CD276: variants seen among roughly 807,000 people sequenced by gnomAD.
CD276 encodes CD276 molecule.
CD276 carries 34 observed loss-of-function variants against 50.0 expected under a neutral mutation model. That is an observed-to-expected ratio of 0.68 (90% confidence interval 0.52 to 0.91). CD276 has a LOEUF of 0.91. Among genes scored for constraint, CD276 ranks in the 40% least tolerant of loss-of-function variants. The pLI is 0.00. For synonymous variants in CD276, 275 were observed against 313.0 expected, an observed-to-expected ratio of 0.88 and a Z score of 1.28; for missense variants, 634 against 717.5, an observed-to-expected ratio of 0.88 and a Z score of 1.33.
chr15:73,698,977 C>T (rs1900273913), intron 1 of CD276, among the ~76,000 whole-genome samples: 1 of 152,194 alleles, frequency 6.6e-6, no homozygotes, highest in Admixed American at 6.5e-5. Context: ...AAATGCTCCC[C>T]AGTGATTCCC....
Position 73,713,717 on chromosome 15 carries a change from T to TC in CD276, c.*765dup, listed in dbSNP as rs1468629261. The stretch of plus-strand genomic sequence containing the variant: ...CAGTGCCCCTCTCCCCTGCCCATCC[T>TC]CCCCACGGAAGCATGTGCTGGTCAC... On this transcript the variant is annotated 3_prime_UTR_variant, in exon 10 of 10. Coordinates refer to ENST00000318443, the MANE Select transcript of CD276 (RefSeq NM_001024736.2). 2.4e-6 allele frequency: 1 copy of TC among 424,436 alleles called. No homozygotes were observed. The highest frequency in any genetic ancestry group is 4.7e-6 in the Non-Finnish European group (1 of 214,854). 26.3% of individuals were successfully genotyped at this position (424,436 alleles called of 1,614,324 possible). A position where few individuals can be genotyped will look rare whatever the true frequency, so the allele number is the denominator to read the frequency against.
chr15:73,713,819 T>G lies in CD276; in HGVS notation c.*863T>G. 2.2e-6 allele frequency: 1 copy of G among 444,586 alleles called. No homozygotes were observed. Among genetic ancestry groups the G allele is most frequent in the South Asian group, 1.6e-5 (1 of 62,608 alleles). 27.5% of individuals were successfully genotyped at this position (444,586 alleles called of 1,614,324 possible). A position where few individuals can be genotyped will look rare whatever the true frequency, so the allele number is the denominator to read the frequency against. On this transcript the variant is annotated 3_prime_UTR_variant, in exon 10 of 10. Transcript: ENST00000318443. ...CTCTGCCTTCTCACCTCTTTGTTCC[T>G]TTCTTTTCATGTATCCATTCAGTTG...
At chr15:73,711,313 G>A (rs1900893100) in intron 9 of CD276, 143 bp downstream of exon 9, 1 of 828,222 alleles carries the variant, frequency 1.2e-6, no homozygotes, top group African/African-American at 1.7e-5. Flanking sequence ...CCCCTGGTGA[G>A]ATGGCAGAGG....
Position 73,704,516 on chromosome 15 carries a change from C to A in CD276, c.1369+44C>A. On this transcript the variant is annotated intron_variant, in intron 6 of 9. Transcript: ENST00000318443. This position sits in a 1 kb window ranked among gnomAD's most constrained non-coding sequence, Gnocchi z 4.1. ...CTGGGGAAGGACGGAGCGAGTAACTCCCTCTTTACTGGACCCTAACGTGGA... is the reference window on the plus strand; with the variant it reads ...CTGGGGAAGGACGGAGCGAGTAACTACCTCTTTACTGGACCCTAACGTGGA... The A allele has an allele frequency of 6.4e-7, 1 of 1,574,006 alleles. No homozygotes were observed. Among genetic ancestry groups the A allele is most frequent in the Non-Finnish European group, 8.6e-7 (1 of 1,158,586 alleles).
chr15:73,695,046 A>G (rs1900127193), intron 1 of CD276, among the ~76,000 whole-genome samples: 1 of 152,200 alleles, frequency 6.6e-6, no homozygotes. Flanking sequence ...GTAAGTGGAC[A>G]ACAACTAGCA....
intron 1 of CD276, among the ~76,000 whole-genome samples, chr15:73,698,105 C>G (rs929710856): frequency 1.3e-5 from 2 of 152,106 alleles, no homozygotes; most frequent in East Asian, 3.9e-4. Context: ...TTAGGGATGT[C>G]TGCCCTTCTC....
At position 73,702,475 on chromosome 15, in the gene CD276, G is replaced by A. The variant is rs560539685; in HGVS notation, c.300G>A (p.Leu100=). The A allele has an allele frequency of 5.0e-6, 8 of 1,613,676 alleles. No homozygotes were observed. Among genetic ancestry groups the A allele is most frequent in the African/African-American group, 1.3e-5 (1 of 75,062 alleles). The change falls in exon 3 of 10, where the codon CTG becomes CTA. Residue 100 remains leucine (L), a synonymous_variant. Coordinates refer to ENST00000318443, the MANE Select transcript of CD276 (RefSeq NM_001024736.2). ...ANRTALFPDL[L]AQGNASLRLQ... is the part of the protein sequence containing the mutation. The stretch of plus-strand genomic sequence containing the variant: ...GCACGGCCCTCTTCCCGGACCTGCT[G>A]GCACAGGGCAACGCATCCCTGAGGC...
chr15:73,711,404 T>G (rs552711734), intron 9 of CD276: 98 of 541,470 alleles, frequency 1.8e-4, no homozygotes, highest in African/African-American at 1.8e-3. Context: ...TTATTCCTCC[T>G]TCCTGTGATA....
At chr15:73,703,136 G>A (rs369275458) in intron 4 of CD276, 50 bp downstream of exon 4, 39 of 1,521,764 alleles carry the variant, frequency 2.6e-5, no homozygotes, top group South Asian at 1.8e-4. Context: ...TGCTTCTGTC[G>A]GCAGGGGTTG....
intron 1 of CD276, among the ~76,000 whole-genome samples, chr15:73,689,066 T>G (rs1567012222): frequency 6.6e-6 from 1 of 152,154 alleles, no homozygotes; most frequent in Non-Finnish European, 1.5e-5. Context: ...CGCTCTGATG[T>G]GGTCTCATGT....
At chr15:73,686,808 C>T (rs147018188) in intron 1 of CD276, among the ~76,000 whole-genome samples, 4 of 152,222 alleles carry the variant, frequency 2.6e-5, no homozygotes, top group African/African-American at 9.6e-5. Context: ...GAAAAATGAC[C>T]AAATCCAAGC....
At chr15:73,688,644 G>A (rs1245129982) in intron 1 of CD276, among the ~76,000 whole-genome samples, 3 of 152,304 alleles carry the variant, frequency 2.0e-5, no homozygotes, top group East Asian at 3.9e-4. Flanking sequence ...AATTGAGTGT[G>A]GGCCCTTGGC....
At position 73,713,812 on chromosome 15, in the gene CD276, T is replaced by G. The variant is rs775393414; in HGVS notation, c.*856T>G. ...TCTGTCCCTCTGCCTTCTCACCTCTTTGTTCCTTTCTTTTCATGTATCCAT... is the reference window on the plus strand; with the variant it reads ...TCTGTCCCTCTGCCTTCTCACCTCTGTGTTCCTTTCTTTTCATGTATCCAT... On this transcript the variant is annotated 3_prime_UTR_variant, in exon 10 of 10. Transcript: ENST00000318443. The G allele has an allele frequency of 2.3e-5, 10 of 443,616 alleles. No homozygotes were observed. Among genetic ancestry groups the G allele is most frequent in the Non-Finnish European group, 4.5e-5 (10 of 221,710 alleles). 27.5% of individuals were successfully genotyped at this position (443,616 alleles called of 1,614,324 possible).
rs561088750 is a variant in CD276, at chr15:73,709,816, A to C, written c.1546+127A>C. The C allele has an allele frequency of 3.9e-5, 34 of 866,892 alleles. 1 individual carries two copies. In the South Asian group the frequency reaches 6.2e-4, roughly 16 times the overall value. 53.7% of individuals were successfully genotyped at this position (866,892 alleles called of 1,614,324 possible). On this transcript the variant is annotated intron_variant, in intron 8 of 9. Coordinates refer to ENST00000318443, the MANE Select transcript of CD276 (RefSeq NM_001024736.2). ...TGAATGAAATGTGTTCTGTGGACTC[A>C]GACCTCCCCACCCCGGTGAGTCTGC... is the stretch of plus-strand genomic sequence containing the variant.
intron 9 of CD276, among the ~76,000 whole-genome samples, chr15:73,712,322 GCTC>G (rs1378143168): frequency 6.6e-6 from 1 of 152,220 alleles, no homozygotes; most frequent in Non-Finnish European, 1.5e-5. Context: ...AGATGGGGGA[GCTC>G]TTCTCCTCTC....
chr15:73,689,068 GTC>G (rs1369263689), intron 1 of CD276, among the ~76,000 whole-genome samples: 4 of 152,086 alleles, frequency 2.6e-5, no homozygotes, highest in Non-Finnish European at 5.9e-5. Context: ...CTCTGATGTG[GTC>G]TCATGTGCTC....
rs752996318 is a variant in CD276, at chr15:73,704,516, C to T, written c.1369+44C>T. 42 of 1,574,006 alleles carry T rather than the reference C, an allele frequency of 2.7e-5. 1 individual carries two copies. In the South Asian group the frequency reaches 4.8e-4, roughly 18 times the overall value. Reference sequence around the variant, plus strand: ...CTGGGGAAGGACGGAGCGAGTAACTCCCTCTTTACTGGACCCTAACGTGGA... The same window carrying T: ...CTGGGGAAGGACGGAGCGAGTAACTTCCTCTTTACTGGACCCTAACGTGGA... On this transcript the variant is annotated intron_variant, in intron 6 of 9. Transcript: ENST00000318443. The surrounding 1 kb of genome is among the most constrained non-coding windows in gnomAD (Gnocchi z 4.1).
intron 1 of CD276, among the ~76,000 whole-genome samples, chr15:73,692,654 T>C (rs1266341248): frequency 1.3e-5 from 2 of 152,192 alleles, no homozygotes; most frequent in Non-Finnish European, 2.9e-5. Context: ...TAAACATACC[T>C]CCCAACTTGA....
In CD276 at chr15:73,713,384, T is replaced by G. The variant is rs1900989650; in HGVS notation, c.*428T>G. ...CTTATTTCACCAAAGACACGATGCA[T>G]AGTCACCCCGGCCTTGTTTCTCCAA... On this transcript the variant is annotated 3_prime_UTR_variant, in exon 10 of 10. Transcript: ENST00000318443. The G allele has an allele frequency of 3.8e-6, 1 of 261,640 alleles. No homozygotes were observed. Among genetic ancestry groups the G allele is most frequent in the African/African-American group, 2.3e-5 (1 of 42,560 alleles). 16.2% of individuals were successfully genotyped at this position (261,640 alleles called of 1,614,324 possible). A position where few individuals can be genotyped will look rare whatever the true frequency, so the allele number is the denominator to read the frequency against.
Sources: allele counts gnomAD v4.1 joint callset (sites outside exome capture counted in the v4.1 genomes callset), GRCh38; gene constraint gnomAD v4.1.1; non-coding constraint Gnocchi (gnomAD v3.1); transcripts MANE v1.5; gene names NCBI Gene and HGNC (gene_info 2026-07-23, HGNC 2026-07-21).